Variants in QTRT2 observed in about 807,000 individuals in gnomAD.
QTRT2 encodes the protein queuine tRNA-ribosyltransferase accessory subunit 2, also known as queuine tRNA-ribosyltransferase domain containing 1.
In QTRT2, 32 loss-of-function variants were observed where a neutral mutation model predicts 44.8. The observed-to-expected ratio is 0.71, with a 90% CI of 0.54 to 0.96. The LOEUF is 0.96. Among genes scored for constraint, QTRT2 ranks in the 40% least tolerant of loss-of-function variants. QTRT2 has a pLI of 0.00. For missense variants in QTRT2, 461 were observed against 503.1 expected, an observed-to-expected ratio of 0.92 and a Z score of 0.80; for synonymous variants, 182 against 187.4, an observed-to-expected ratio of 0.97 and a Z score of 0.24.
intron 4 of QTRT2, among the ~76,000 whole-genome samples, chr3:114,067,495 C>T (rs1057120318): frequency 1.3e-5 from 2 of 152,154 alleles, no homozygotes; most frequent in African/African-American, 4.8e-5. Context: ...ATGAAACTTA[C>T]TAAGAATGGG....
chr3:114,076,819 A>C lies in QTRT2; in HGVS notation c.623A>C (p.Glu208Ala). 1 of 1,614,208 alleles carries C rather than the reference A, an allele frequency of 6.2e-7. No individual in the cohort carries two copies. Among genetic ancestry groups the C allele is most frequent in the Non-Finnish European group, 8.5e-7 (1 of 1,180,026 alleles). ...GAAGAGAGGCTGAGGTCAGCACGAG[A>C]GACAGCCAAGCGGCCTGTGGGTGGC... ...VMEERLRSAR[E>A]TAKRPVGGFL... Residue 208 changes from glutamate to alanine, a missense_variant, in exon 7 of 10, where the codon GAG becomes GCG. By Grantham distance (107) the Glu-to-Ala change is moderately radical. Coordinates refer to ENST00000281273, the MANE Select transcript of QTRT2 (RefSeq NM_024638.4).
rs549242843 is a variant in QTRT2, at chr3:114,067,288, T to A, written c.257-699T>A. 3.3e-5 allele frequency among the ~76,000 whole-genome samples: 5 copies of A among 152,348 alleles called. No homozygotes were observed. In the South Asian group the frequency reaches 1.0e-3, roughly 32 times the overall value. On this transcript the variant is annotated intron_variant, in intron 4 of 9. Coordinates refer to ENST00000281273, the MANE Select transcript of QTRT2 (RefSeq NM_024638.4). ...TAGAGATAATTGTAATAATTGAAAT[T>A]ATGGAAAATAAAGTGAAAAAACTGC...
rs748284983 is a variant in QTRT2, at chr3:114,082,783, G to T, written c.1005G>T (p.Leu335=). The T allele has an allele frequency of 3.5e-6, 5 of 1,427,822 alleles. No individual in the cohort carries two copies. The highest frequency in any genetic ancestry group is 3.9e-6 in the Non-Finnish European group (4 of 1,036,960). 88.4% of individuals were successfully genotyped at this position (1,427,822 alleles called of 1,614,324 possible). A position where few individuals can be genotyped will look rare whatever the true frequency, so the allele number is the denominator to read the frequency against. The change falls in exon 9 of 10, where the codon CTG becomes CTT. Residue 335 remains leucine, a synonymous_variant. Coordinates refer to ENST00000281273, the MANE Select transcript of QTRT2 (RefSeq NM_024638.4). The part of the protein sequence containing the change: ...NQEITSFEIN[L]KEKKYQEDFN... ...AAATAACATCATTTGAAATTAATCT[G>T]AAGGAAAAAAAGTAAGAAATTTTTA... is the stretch of plus-strand genomic sequence containing the variant.
chr3:114,073,492 G>T (rs1035468506), intron 6 of QTRT2, among the ~76,000 whole-genome samples: 1 of 152,118 alleles, frequency 6.6e-6, no homozygotes, highest in Non-Finnish European at 1.5e-5. Context: ...CGATTCTCCT[G>T]TGTCAGCTTC....
At chr3:114,075,279 TACTA>T (rs2107798900) in intron 6 of QTRT2, among the ~76,000 whole-genome samples, 1 of 152,336 alleles carries the variant, frequency 6.6e-6, no homozygotes, top group South Asian at 2.1e-4. Flanking sequence ...TGCATTACCT[TACTA>T]ACAAGGTTTA....
chr3:114,085,700 G>A lies in QTRT2; in HGVS notation c.1044G>A (p.Val348=). The A allele has an allele frequency of 6.2e-7, 1 of 1,614,210 alleles. No homozygotes were observed. The highest frequency in any genetic ancestry group is 2.2e-5 in the East Asian group (1 of 44,882). ...ACCAGGAGGACTTTAACCCGCTGGTGAGAGGATGTTCCTGTTACTGCTGTA... is the reference window on the plus strand; with the variant it reads ...ACCAGGAGGACTTTAACCCGCTGGTAAGAGGATGTTCCTGTTACTGCTGTA... The part of the protein sequence containing the change: ...KKYQEDFNPL[V]RGCSCYCCKN... The change falls in exon 10 of 10, where the codon GTG becomes GTA. Residue 348 remains valine (V), a synonymous_variant. Coordinates refer to ENST00000281273, the MANE Select transcript of QTRT2 (RefSeq NM_024638.4).
chr3:114,067,974 T>G lies in QTRT2; in HGVS notation c.257-13T>G. On this transcript the variant is annotated splice_polypyrimidine_tract_variant and intron_variant, in intron 4 of 9. Transcript: ENST00000281273. ...GTAAGCACTTTCAAGGGTTCTTTTT[T>G]GTGTTTATACAGGCATGCCAGAATC... is the stretch of plus-strand genomic sequence containing the variant. The G allele has an allele frequency of 6.2e-7, 1 of 1,613,188 alleles. No individual in the cohort carries two copies. The highest frequency in any genetic ancestry group is 8.5e-7 in the Non-Finnish European group (1 of 1,179,284).
At chr3:114,078,841 A>G (rs2077126722) in intron 7 of QTRT2, 1 of 152,214 alleles carries the variant, frequency 6.6e-6, no homozygotes, top group South Asian at 2.1e-4. Context: ...TTTTCGGATT[A>G]AGGATGCTCA....
Position 114,057,066 on chromosome 3 carries a change from C to G in QTRT2, c.-62C>G. ...AATCGTGTGAGCGTCGCCGACACCTCTGAGATAAAAGGGCCCCTTTCGACT... is the reference window on the plus strand; with the variant it reads ...AATCGTGTGAGCGTCGCCGACACCTGTGAGATAAAAGGGCCCCTTTCGACT... On this transcript the variant is annotated 5_prime_UTR_variant, in exon 2 of 10. Transcript: ENST00000281273. 1.4e-6 allele frequency: 2 copies of G among 1,380,396 alleles called. No homozygotes were observed. The highest frequency in any genetic ancestry group is 1.7e-5 in the South Asian group (1 of 58,570). 85.5% of individuals were successfully genotyped at this position (1,380,396 alleles called of 1,614,324 possible).
rs141373365 is a variant in QTRT2, at chr3:114,072,045, G to A, written c.546+1207G>A. On this transcript the variant is annotated intron_variant, in intron 6 of 9. Coordinates refer to ENST00000281273, the MANE Select transcript of QTRT2 (RefSeq NM_024638.4). ...CATTAGCTTGTTTCATTCTGTACAC[G>A]GATTTCCTTCTGGACTGTTTCTTGT... Among the ~76,000 whole-genome samples the A allele has an allele frequency of 9.7e-4, 147 of 152,206 alleles. 4 individuals are homozygous for A. The East Asian group carries it at 0.016, about 16-fold the overall frequency.
intron 8 of QTRT2, 136 bp downstream of exon 8, chr3:114,080,193 G>T: frequency 1.5e-6 from 1 of 660,734 alleles, no homozygotes; most frequent in Non-Finnish European, 2.5e-6. Flanking sequence ...TCTTATCTGT[G>T]TGCTCTGGCA....
intron 6 of QTRT2, among the ~76,000 whole-genome samples, chr3:114,071,888 C>T (rs2077028995): frequency 6.6e-6 from 1 of 152,186 alleles, no homozygotes; most frequent in African/African-American, 2.4e-5. Context: ...TAATGACTCT[C>T]CACTTCAACT....
chr3:114,067,962 A>G (rs1553758198), intron 4 of QTRT2, 25 bp from the exon 5 acceptor site: 7 of 1,609,440 alleles, frequency 4.3e-6, no homozygotes, highest in Admixed American at 1.7e-5. Context: ...AGCACTTTCA[A>G]GGGTTCTTTT....
chr3:114,085,666 T>C lies in QTRT2; in HGVS notation c.1017-7T>C. ...TTTCTGGAATGTCACTGTGACTTCT[T>C]TCTTAGGTACCAGGAGGACTTTAAC... On this transcript the variant is annotated splice_polypyrimidine_tract_variant and splice_region_variant and intron_variant, in intron 9 of 9. Coordinates refer to ENST00000281273, the MANE Select transcript of QTRT2 (RefSeq NM_024638.4). The C allele has an allele frequency of 6.2e-7, 1 of 1,611,512 alleles. No individual in the cohort carries two copies. The highest frequency in any genetic ancestry group is 8.5e-7 in the Non-Finnish European group (1 of 1,177,544).
At chr3:114,082,089 C>T (rs1244675326) in intron 8 of QTRT2, among the ~76,000 whole-genome samples, 1 of 151,894 alleles carries the variant, frequency 6.6e-6, no homozygotes, top group Admixed American at 6.6e-5. Context: ...GCCAGTGTCT[C>T]CATATAGAAT....
At position 114,085,660 on chromosome 3, in the gene QTRT2, ACTT is replaced by A. The variant is rs753316344; in HGVS notation, c.1017-9_1017-7del. 12 of 1,606,082 alleles carry A rather than the reference ACTT, an allele frequency of 7.5e-6. No homozygotes were observed. In the African/African-American group the frequency reaches 1.6e-4, roughly 21 times the overall value. ...CCGTACTTTCTGGAATGTCACTGTGACTTCTTTCTTAGGTACCAGGAGGACTTT... is the reference window on the plus strand; with the variant it reads ...CCGTACTTTCTGGAATGTCACTGTGACTTTCTTAGGTACCAGGAGGACTTT... On this transcript the variant is annotated splice_polypyrimidine_tract_variant and intron_variant, in intron 9 of 9. Transcript: ENST00000281273.
Position 114,074,366 on chromosome 3 carries a change from G to C in QTRT2, c.547-2377G>C, listed in dbSNP as rs528789807. Among the ~76,000 whole-genome samples the C allele has an allele frequency of 3.9e-5, 6 of 152,294 alleles. No homozygotes were observed. The South Asian group carries it at 1.2e-3, about 32-fold the overall frequency. ...TGTACTTGCAAAACAGGAGCCAGGA[G>C]TCATTTGAGACTTTGTCTTTATCCT... On this transcript the variant is annotated intron_variant, in intron 6 of 9. Coordinates refer to ENST00000281273, the MANE Select transcript of QTRT2 (RefSeq NM_024638.4).
At position 114,070,729 on chromosome 3, in the gene QTRT2, A is replaced by T; in HGVS notation, c.437A>T (p.Asp146Val). ...CCAGACTGGTTCCAGTGCCTCTCCG[A>T]TGGAGAAGTATCTTGTAAGGAAGCA... ...LQPDWFQCLSDGEVSCKEATS... is the reference protein window; with the variant it reads ...LQPDWFQCLSVGEVSCKEATS... The change falls in exon 6 of 10, where the codon GAT becomes GTT. Residue 146 changes from aspartate (D) to valine (V), a missense_variant. By Grantham distance (152) the Asp-to-Val change is radical. Transcript: ENST00000281273. 6.2e-7 allele frequency: 1 copy of T among 1,614,014 alleles called. No homozygotes were observed. The highest frequency in any genetic ancestry group is 8.5e-7 in the Non-Finnish European group (1 of 1,179,892).
chr3:114,066,488 A>G (rs993877932), intron 4 of QTRT2: 3 of 537,490 alleles, frequency 5.6e-6, no homozygotes, highest in Non-Finnish European at 1.0e-5. Context: ...CCTAGCTGGG[A>G]TAAAGATAGA....
Sources: allele counts gnomAD v4.1 joint callset (sites outside exome capture counted in the v4.1 genomes callset), GRCh38; gene constraint gnomAD v4.1.1; transcripts MANE v1.5; gene names NCBI Gene and HGNC (gene_info 2026-07-23, HGNC 2026-07-21).